DOCK4: variants seen among roughly 807,000 people sequenced by gnomAD.
DOCK4 encodes the protein dedicator of cytokinesis 4.
DOCK4 carries 97 observed loss-of-function variants against 268.1 expected under a neutral mutation model. The ratio of observed to expected loss-of-function variants is 0.36; its 90% CI spans 0.31 to 0.43. The LOEUF (loss-of-function observed/expected upper bound fraction) is 0.43, where lower values mean the gene tolerates loss of function less well. Among genes scored for constraint, DOCK4 ranks in the 20% least tolerant of loss-of-function variants. The pLI, the probability that DOCK4 is intolerant of heterozygous loss-of-function variation, is 1.00. For missense variants in DOCK4, 2,145 were observed against 2,455.7 expected (o/e 0.87, Z 2.67); for synonymous variants, 954 against 887.2 (o/e 1.08, Z -1.34).
At chr7:111,970,647 A>G (rs2135061272) in intron 8 of DOCK4, among the ~76,000 whole-genome samples, 1 of 152,324 alleles carries the variant, frequency 6.6e-6, no homozygotes. Flanking sequence ...TATAAAACTA[A>G]TAATTATCTT....
At chr7:111,963,255 A>G (rs1797080083) in intron 8 of DOCK4, among the ~76,000 whole-genome samples, 1 of 151,164 alleles carries the variant, frequency 6.6e-6, no homozygotes. Flanking sequence ...AGCGTGAGCG[A>G]CGCAGAAGAC....
chr7:112,119,365 G>A (rs989816334), intron 1 of DOCK4, among the ~76,000 whole-genome samples: 1 of 151,302 alleles, frequency 6.6e-6, no homozygotes, highest in Non-Finnish European at 1.5e-5. Flanking sequence ...GTACAATAAA[G>A]GGCAAATATG....
At position 112,018,176 on chromosome 7, in the gene DOCK4, A is replaced by AC. The variant is rs59129981; in HGVS notation, c.38-14046_38-14045insG. On this transcript the variant is annotated intron_variant, in intron 1 of 52. Coordinates refer to ENST00000428084, the MANE Select transcript of DOCK4 (RefSeq NM_001363540.2). ...AAAAAAAAAAAAAAAAAAAAAAAAAAAAAACACAGGCAACCAGTATTCATG... is the reference window on the plus strand; with the variant it reads ...AAAAAAAAAAAAAAAAAAAAAAAAAACAAAACACAGGCAACCAGTATTCATG... 3.1e-4 allele frequency among the ~76,000 whole-genome samples: 41 copies of AC among 134,036 alleles called. 4 individuals are homozygous for AC. The highest frequency in any genetic ancestry group is 1.2e-3 in the African/African-American group (39 of 32,276). The allele number at this position is 134,036 out of a possible 152,430, so 87.9% of individuals were successfully genotyped here.
At chr7:112,181,639 CAAAA>C (rs55807955) in intron 1 of DOCK4, among the ~76,000 whole-genome samples, 1 of 65,370 alleles carries the variant, frequency 1.5e-5, no homozygotes, top group Non-Finnish European at 2.6e-5. Flanking sequence ...GACACTGTCT[CAAAA>C]AAAAAAAAAA....
chr7:111,762,762 C>CTTTTTTTTTGTTTT (rs1797508511), intron 39 of DOCK4, among the ~76,000 whole-genome samples: 1 of 63,068 alleles, frequency 1.6e-5, no homozygotes, highest in Non-Finnish European at 3.0e-5. Flanking sequence ...GTTTTGTTTT[C>CTTTTTTTTTGTTTT]TTTTTTTTTT....
chr7:111,974,492 ATGTGTGTGTGTGTGTGTGTGTG>A (rs59409689), intron 8 of DOCK4, among the ~76,000 whole-genome samples: 8 of 84,388 alleles, frequency 9.5e-5, no homozygotes, highest in South Asian at 1.1e-3. Context: ...TTGAAGAGGG[ATGTGTGTGTGTGTGTGTGTGTG>A]TGTGTGTGTG....
At chr7:112,043,488 G>T (rs1170555399) in intron 1 of DOCK4, among the ~76,000 whole-genome samples, 1 of 150,456 alleles carries the variant, frequency 6.6e-6, no homozygotes, top group Non-Finnish European at 1.5e-5. Flanking sequence ...TTAAAGGCAA[G>T]ATTAAATCTC....
At chr7:112,158,695 T>C (rs1586942802) in intron 1 of DOCK4, among the ~76,000 whole-genome samples, 1 of 152,218 alleles carries the variant, frequency 6.6e-6, no homozygotes, top group East Asian at 1.9e-4. Context: ...CTATCACTTT[T>C]AATATACTTA....
intron 1 of DOCK4, among the ~76,000 whole-genome samples, chr7:112,087,957 T>A (rs1180975833): frequency 6.6e-6 from 1 of 151,884 alleles, no homozygotes; most frequent in Non-Finnish European, 1.5e-5. Context: ...ATGATAGAAA[T>A]AGTCAAAAAT....
chr7:111,961,130 C>T (rs569565301), intron 8 of DOCK4, among the ~76,000 whole-genome samples: 40 of 152,254 alleles, frequency 2.6e-4, no homozygotes, highest in South Asian at 2.1e-4. Context: ...CCTCAGCTCC[C>T]TCTGTCCTCT....
Position 111,983,862 on chromosome 7 carries a change from G to GCGCGCGCACACACACACACACACACA in DOCK4, c.549+443_549+444insTGTGTGTGTGTGTGTGTGTGCGCGCG. Among the ~76,000 whole-genome samples the GCGCGCGCACACACACACACACACACA allele has an allele frequency of 5.3e-3, 731 of 138,518 alleles. 4 individuals carry two copies. Among genetic ancestry groups the GCGCGCGCACACACACACACACACACA allele is most frequent in the African/African-American group, 0.018 (644 of 35,402 alleles). The allele number at this position is 138,518 out of a possible 152,430, so 90.9% of individuals were successfully genotyped here. A position where few individuals can be genotyped will look rare whatever the true frequency, so the allele number is the denominator to read the frequency against. On this transcript the variant is annotated intron_variant, in intron 7 of 52. Coordinates refer to ENST00000428084, the MANE Select transcript of DOCK4 (RefSeq NM_001363540.2). ...CACACACACGCGCGCGCGCGCGCGC[G>GCGCGCGCACACACACACACACACACA]CACACACACACACACACACACACAC...
At chr7:112,172,466 G>A (rs575636144) in intron 1 of DOCK4, among the ~76,000 whole-genome samples, 3 of 152,180 alleles carry the variant, frequency 2.0e-5, no homozygotes, top group Admixed American at 6.5e-5. Context: ...AATATCTGAC[G>A]TCAAATACAG....
chr7:112,096,281 T>C (rs1810125217), intron 1 of DOCK4, among the ~76,000 whole-genome samples: 1 of 152,232 alleles, frequency 6.6e-6, no homozygotes, highest in South Asian at 2.1e-4. Flanking sequence ...GCTCAAACGA[T>C]ACTCCCACCT....
intron 1 of DOCK4, among the ~76,000 whole-genome samples, chr7:112,088,755 T>A (rs979743645): frequency 6.6e-6 from 1 of 152,154 alleles, no homozygotes; most frequent in African/African-American, 2.4e-5. Context: ...CTGCTGAGAA[T>A]GTATCCTAGC....
intron 42 of DOCK4, among the ~76,000 whole-genome samples, chr7:111,749,832 G>A (rs1168136487): frequency 1.3e-5 from 2 of 152,168 alleles, no homozygotes; most frequent in African/African-American, 4.8e-5. Flanking sequence ...ACTTAGTGTT[G>A]GAGAAGATGC....
At chr7:112,024,946 GACA>G (rs1359186660) in intron 1 of DOCK4, among the ~76,000 whole-genome samples, 1 of 152,094 alleles carries the variant, frequency 6.6e-6, no homozygotes, top group African/African-American at 2.4e-5. Flanking sequence ...CACAGGAAAG[GACA>G]ACTTCTTTCT....
Position 111,844,812 on chromosome 7 carries a change from C to A in DOCK4, c.2687G>T (p.Arg896Leu). The A allele has an allele frequency of 6.2e-7, 1 of 1,613,624 alleles. No individual in the cohort carries two copies. Among genetic ancestry groups the A allele is most frequent in the Non-Finnish European group, 8.5e-7 (1 of 1,179,710 alleles). Residue 896 changes from arginine to leucine, a missense_variant, in exon 25 of 53, where the codon CGA becomes CTA. By Grantham distance (102) the Arg-to-Leu change is moderately radical. Transcript: ENST00000428084. ...CATTGCTGAGCTGGATGGCTGAGGTCGGCTGGTGATCTCCAATATGGTCCT... is the reference window on the plus strand; with the variant it reads ...CATTGCTGAGCTGGATGGCTGAGGTAGGCTGGTGATCTCCAATATGGTCCT... ...LLRTILEITS[R>L]PQPSSSAMRF... is the part of the protein sequence containing the mutation.
intron 51 of DOCK4, among the ~76,000 whole-genome samples, chr7:111,734,160 C>G (rs908380359): frequency 2.0e-5 from 3 of 151,788 alleles, no homozygotes; most frequent in Non-Finnish European, 2.9e-5. Context: ...AGGCTTCTCT[C>G]AAAACTCCTG....
intron 26 of DOCK4, among the ~76,000 whole-genome samples, chr7:111,831,262 C>G (rs188424387): frequency 1.3e-3 from 205 of 152,236 alleles, no homozygotes; most frequent in Non-Finnish European, 2.7e-3. Context: ...TGTCAAAAGG[C>G]CTAGGAGTCA....
Sources: allele counts gnomAD v4.1 joint callset (sites outside exome capture counted in the v4.1 genomes callset), GRCh38; gene constraint gnomAD v4.1.1; transcripts MANE v1.5; gene names NCBI Gene and HGNC (gene_info 2026-07-23, HGNC 2026-07-21).